The following FAM220A variants were observed in gnomAD, a reference collection of about 807,000 sequenced individuals.
The protein encoded by FAM220A is family with sequence similarity 220 member A.
For synonymous variants in FAM220A, 141 were observed against 130.7 expected, an observed-to-expected ratio of 1.08 and a Z score of -0.54; for missense variants, 392 against 321.6, an observed-to-expected ratio of 1.22 and a Z score of -1.68.
chr7:6,337,787 T>G (rs1781774542), intron 1 of FAM220A, among the ~76,000 whole-genome samples: 1 of 150,058 alleles, frequency 6.7e-6, no homozygotes, highest in Non-Finnish European at 1.5e-5. Context: ...CAAAAAGATT[T>G]CAATACATTA....
chr7:6,334,925 C>T (rs530437703), intron 1 of FAM220A, among the ~76,000 whole-genome samples: 6 of 151,508 alleles, frequency 4.0e-5, no homozygotes, highest in African/African-American at 7.3e-5. Flanking sequence ...TGTGCCACCA[C>T]GCCTGGCCAA....
Position 6,330,482 on chromosome 7 carries a change from T to C in FAM220A, c.673A>G (p.Ile225Val). Residue 225 changes from isoleucine to valine, a missense_variant, in exon 2 of 2, where the codon ATA becomes GTA. By Grantham distance (29) the Ile-to-Val change is conservative. Coordinates refer to ENST00000313324, the MANE Select transcript of FAM220A (RefSeq NM_001037163.2). ...RLKPMFSKQTIEFKKMLKSTS... is the reference protein window; with the variant it reads ...RLKPMFSKQTVEFKKMLKSTS... The stretch of plus-strand genomic sequence containing the variant: ...CTTTTAAGCATTTTCTTGAATTCTA[T>C]TGTTTGCTTTGAAAACATGGGCTTT... The C allele has an allele frequency of 1.9e-6, 3 of 1,614,230 alleles. No individual in the cohort carries two copies. Among genetic ancestry groups the C allele is most frequent in the Non-Finnish European group, 2.5e-6 (3 of 1,180,056 alleles).
chr7:6,341,027 C>T (rs541144353), intron 1 of FAM220A, among the ~76,000 whole-genome samples: 1 of 149,672 alleles, frequency 6.7e-6, no homozygotes, highest in South Asian at 2.1e-4. Context: ...ACCTACAGTC[C>T]CAGCTACTCG....
chr7:6,333,266 A>G (rs1255963164), intron 1 of FAM220A, among the ~76,000 whole-genome samples: 2 of 152,072 alleles, frequency 1.3e-5, no homozygotes, highest in Admixed American at 6.6e-5. Context: ...AGTTTAGAGA[A>G]AGAGACCTCG....
At position 6,331,738 on chromosome 7, in the gene FAM220A, CTTTT is replaced by C. The variant is rs376255551; in HGVS notation, c.-81-507_-81-504del. On this transcript the variant is annotated intron_variant, in intron 1 of 1. Coordinates refer to ENST00000313324, the MANE Select transcript of FAM220A (RefSeq NM_001037163.2). ...CCCTCAAATTAGCAAATAATAGAGG[CTTTT>C]TTTTTTTTTTTTTTTGAGATGGCGT... 5.9e-4 allele frequency among the ~76,000 whole-genome samples: 69 copies of C among 117,724 alleles called. 1 individual carries two copies. The highest frequency in any genetic ancestry group is 1.3e-3 in the African/African-American group (42 of 31,458). The allele number at this position is 117,724 out of a possible 152,430, so 77.2% of individuals were successfully genotyped here.
chr7:6,342,979 G>C (rs532475020), intron 1 of FAM220A, among the ~76,000 whole-genome samples: 18 of 151,664 alleles, frequency 1.2e-4, no homozygotes, highest in Admixed American at 2.6e-4. Context: ...GGAGGCTGTA[G>C]TGAGCTATGA....
At chr7:6,331,676 G>A (rs565377554) in intron 1 of FAM220A, among the ~76,000 whole-genome samples, 1 of 151,482 alleles carries the variant, frequency 6.6e-6, no homozygotes. Flanking sequence ...CACCACGCCC[G>A]GCCTAGTGGA....
chr7:6,333,069 A>G (rs1414678009), intron 1 of FAM220A, among the ~76,000 whole-genome samples: 2 of 151,552 alleles, frequency 1.3e-5, no homozygotes, highest in Non-Finnish European at 2.9e-5. Context: ...AAGCGAGAGA[A>G]TTGCGTGAAC....
intron 1 of FAM220A, among the ~76,000 whole-genome samples, chr7:6,333,817 G>C (rs1234263474): frequency 1.4e-5 from 2 of 141,330 alleles, no homozygotes; most frequent in South Asian, 2.4e-4. Context: ...ATGTTGCCTA[G>C]AATGGTCTCG....
chr7:6,345,052 C>T (rs1005555955), intron 1 of FAM220A, among the ~76,000 whole-genome samples: 2 of 151,956 alleles, frequency 1.3e-5, no homozygotes, highest in African/African-American at 2.4e-5. Context: ...CCACTGCGCC[C>T]GGCCAGAGTT....
At chr7:6,339,992 C>G (rs1200199575) in intron 1 of FAM220A, among the ~76,000 whole-genome samples, 1 of 152,158 alleles carries the variant, frequency 6.6e-6, no homozygotes, top group African/African-American at 2.4e-5. Context: ...TCAAGCACTT[C>G]TCCTGCCTCA....
chr7:6,347,861 C>A (rs1781982671), intron 1 of FAM220A, among the ~76,000 whole-genome samples: 2 of 149,142 alleles, frequency 1.3e-5, no homozygotes, highest in Admixed American at 1.3e-4. Context: ...CGAGACCAGC[C>A]TGGGCAACAT....
chr7:6,346,012 G>A (rs1247673645), intron 1 of FAM220A, among the ~76,000 whole-genome samples: 3 of 151,926 alleles, frequency 2.0e-5, no homozygotes, highest in African/African-American at 4.8e-5. Flanking sequence ...CAAGTGATCC[G>A]CCTGCTTCAG....
intron 1 of FAM220A, 138 bp downstream of exon 1, chr7:6,348,435 T>C (rs1583243539): frequency 2.5e-6 from 1 of 396,314 alleles, no homozygotes; most frequent in Non-Finnish European, 4.4e-6. Flanking sequence ...CTCCCCAAAG[T>C]AGGGTCGCAC....
intron 1 of FAM220A, among the ~76,000 whole-genome samples, chr7:6,336,811 C>A (rs898403361): frequency 2.0e-5 from 3 of 151,870 alleles, no homozygotes; most frequent in African/African-American, 4.8e-5. Flanking sequence ...TGTGCCACCA[C>A]ATCCAGCTAA....
At chr7:6,332,495 T>G (rs951343974) in intron 1 of FAM220A, among the ~76,000 whole-genome samples, 1 of 152,154 alleles carries the variant, frequency 6.6e-6, no homozygotes, top group Non-Finnish European at 1.5e-5. Context: ...AAATGTAATT[T>G]TGACACATGA....
chr7:6,331,443 G>GT (rs1171280721), intron 1 of FAM220A, among the ~76,000 whole-genome samples: 1 of 152,184 alleles, frequency 6.6e-6, no homozygotes. Context: ...GATTACAGGT[G>GT]TGAGCCACCA....
chr7:6,343,131 C>A (rs1186874304), intron 1 of FAM220A, among the ~76,000 whole-genome samples: 3 of 151,322 alleles, frequency 2.0e-5, no homozygotes, highest in African/African-American at 7.3e-5. Flanking sequence ...AATCCCAGCA[C>A]CTTGGGAGGC....
intron 1 of FAM220A, among the ~76,000 whole-genome samples, chr7:6,345,789 G>C (rs570440455): frequency 1.4e-4 from 22 of 151,726 alleles, no homozygotes; most frequent in African/African-American, 5.3e-4. Context: ...ATTTTTTTGA[G>C]ACAGAGTCTC....
Sources: allele counts gnomAD v4.1 joint callset (sites outside exome capture counted in the v4.1 genomes callset), GRCh38; gene constraint gnomAD v4.1.1; transcripts MANE v1.5; gene names NCBI Gene and HGNC (gene_info 2026-07-23, HGNC 2026-07-21).